Variants in RALYL observed in about 807,000 individuals in gnomAD.
RALYL encodes RNA-binding Raly-like protein.
A neutral mutation model predicts 35.1 loss-of-function variants in RALYL; 29 were observed. The observed-to-expected ratio is 0.83, with a 90% confidence interval of 0.61 to 1.13. The LOEUF (loss-of-function observed/expected upper bound fraction) is 1.13. Among genes scored for constraint, RALYL ranks in the 50% most tolerant of loss-of-function variants. The pLI is 0.00. For missense variants in RALYL, 359 were observed against 360.4 expected (o/e 1.00, Z 0.03); for synonymous variants, 120 against 127.6 (o/e 0.94, Z 0.40).
intron 3 of RALYL, among the ~76,000 whole-genome samples, chr8:84,786,839 A>C (rs1329874556): frequency 2.6e-5 from 4 of 152,060 alleles, no homozygotes; most frequent in Non-Finnish European, 5.9e-5. Context: ...TTTTATGAGA[A>C]CCCATTTGTC....
intron 4 of RALYL, among the ~76,000 whole-genome samples, chr8:84,819,075 C>A (rs986728400): frequency 6.6e-6 from 1 of 152,008 alleles, no homozygotes; most frequent in African/African-American, 2.4e-5. Context: ...TCTATGTCTG[C>A]AGGGAAAAAG....
chr8:84,807,228 T>C (rs928257555), intron 4 of RALYL, among the ~76,000 whole-genome samples: 11 of 152,292 alleles, frequency 7.2e-5, no homozygotes, highest in Middle Eastern at 3.4e-3. Flanking sequence ...TCCATCCTCA[T>C]AGCTTAGCTC....
chr8:84,303,869 A>G (rs1481356107), intron 1 of RALYL, among the ~76,000 whole-genome samples: 5 of 152,168 alleles, frequency 3.3e-5, no homozygotes, highest in African/African-American at 1.2e-4. Flanking sequence ...CGACCTATAT[A>G]TTAAACACAC....
intron 1 of RALYL, among the ~76,000 whole-genome samples, chr8:84,259,633 C>A (rs1339755840): frequency 6.6e-6 from 1 of 152,114 alleles, no homozygotes; most frequent in Non-Finnish European, 1.5e-5. Context: ...TTCAAATATT[C>A]ATTAAATAAT....
chr8:84,846,542 G>A (rs1208460104), intron 4 of RALYL, among the ~76,000 whole-genome samples: 1 of 152,198 alleles, frequency 6.6e-6, no homozygotes, highest in African/African-American at 2.4e-5. Flanking sequence ...GAGTTAGAGA[G>A]AAGTCTCTCC....
chr8:84,217,530 T>C (rs1325120006), intron 1 of RALYL, among the ~76,000 whole-genome samples: 4 of 152,088 alleles, frequency 2.6e-5, no homozygotes, highest in African/African-American at 9.7e-5. Context: ...TATTTAACAC[T>C]ACAAGGTTAG....
intron 2 of RALYL, among the ~76,000 whole-genome samples, chr8:84,603,150 G>T (rs1410030361): frequency 6.6e-6 from 1 of 151,962 alleles, no homozygotes; most frequent in Non-Finnish European, 1.5e-5. Context: ...TCATGAAGAG[G>T]TAAAGAATCT....
chr8:84,813,239 C>T (rs1265043614), intron 4 of RALYL, among the ~76,000 whole-genome samples: 2 of 152,198 alleles, frequency 1.3e-5, no homozygotes, highest in African/African-American at 4.8e-5. Context: ...TTTCCCACTT[C>T]TGCAGTTGGG....
At chr8:84,812,360 G>T (rs567571387) in intron 4 of RALYL, among the ~76,000 whole-genome samples, 3 of 152,104 alleles carry the variant, frequency 2.0e-5, no homozygotes, top group African/African-American at 4.8e-5. Flanking sequence ...ACTCTGTCAG[G>T]GTTCTCAGCT....
At chr8:84,231,550 G>A (rs1184034932) in intron 1 of RALYL, among the ~76,000 whole-genome samples, 1 of 152,172 alleles carries the variant, frequency 6.6e-6, no homozygotes, top group African/African-American at 2.4e-5. Context: ...AACCAGTAAG[G>A]AGAATGTAAA....
At chr8:84,354,650 C>A (rs942394351) in intron 1 of RALYL, among the ~76,000 whole-genome samples, 1 of 150,270 alleles carries the variant, frequency 6.7e-6, no homozygotes, top group Non-Finnish European at 1.5e-5. Flanking sequence ...TTTAAGTTAA[C>A]CTCTTAAGAC....
At chr8:84,326,568 G>A (rs1019318501) in intron 1 of RALYL, among the ~76,000 whole-genome samples, 5 of 151,962 alleles carry the variant, frequency 3.3e-5, no homozygotes, top group Admixed American at 6.6e-5. Flanking sequence ...ATATCATAAC[G>A]AAAAGGAATA....
chr8:84,269,068 T>C (rs1353154825), intron 1 of RALYL, among the ~76,000 whole-genome samples: 2 of 152,174 alleles, frequency 1.3e-5, no homozygotes, highest in African/African-American at 2.4e-5. Context: ...ACAGATGTAA[T>C]AAACTTCTAG....
intron 3 of RALYL, among the ~76,000 whole-genome samples, chr8:84,778,052 G>A (rs1817263912): frequency 6.6e-6 from 1 of 152,138 alleles, no homozygotes; most frequent in African/African-American, 2.4e-5. Flanking sequence ...ATGGTCTAGG[G>A]ACTGTAATAG....
At chr8:84,905,753 A>G (rs527877926) in intron 8 of RALYL, among the ~76,000 whole-genome samples, 8 of 149,154 alleles carry the variant, frequency 5.4e-5, no homozygotes, top group East Asian at 2.0e-4. Context: ...ATGGAGTGCA[A>G]TGGTGCAATC....
chr8:84,633,142 G>A (rs917975370), intron 2 of RALYL, among the ~76,000 whole-genome samples: 1 of 151,376 alleles, frequency 6.6e-6, no homozygotes, highest in African/African-American at 2.4e-5. Context: ...ATTGCATGCA[G>A]TTTATTAAAA....
intron 1 of RALYL, among the ~76,000 whole-genome samples, chr8:84,355,675 G>T (rs1416035683): frequency 6.7e-6 from 1 of 150,280 alleles, no homozygotes; most frequent in East Asian, 1.9e-4. Context: ...AGCAGGAAGT[G>T]CAGATAGCAT....
At chr8:84,661,029 C>T (rs1306537112) in intron 2 of RALYL, among the ~76,000 whole-genome samples, 1 of 151,912 alleles carries the variant, frequency 6.6e-6, no homozygotes, top group Non-Finnish European at 1.5e-5. Flanking sequence ...CCCGGGTTCA[C>T]GCCATTCTCC....
intron 7 of RALYL, among the ~76,000 whole-genome samples, chr8:84,885,701 C>T (rs913555331): frequency 6.6e-6 from 1 of 152,038 alleles, no homozygotes; most frequent in African/African-American, 2.4e-5. Context: ...TTATGATACC[C>T]GTAGTAATTA....
Sources: gnomAD v4.1 joint callset for allele counts (sites outside exome capture counted in the v4.1 genomes callset) on GRCh38, gnomAD v4.1.1 for gene constraint, MANE v1.5 for transcripts, NCBI Gene and HGNC (gene_info 2026-07-23, HGNC 2026-07-21) for gene names.